ATRN: variants seen among roughly 807,000 people sequenced by gnomAD.
ATRN encodes the protein attractin.
Under a neutral mutation model 178.7 loss-of-function variants are expected in ATRN, and 54 were observed. The observed-to-expected ratio is 0.30, with a 90% CI of 0.24 to 0.38. The LOEUF (loss-of-function observed/expected upper bound fraction) is 0.38, where lower values mean the gene tolerates loss of function less well. Ranked by LOEUF, ATRN falls within the 10% of genes least tolerant of loss-of-function variation. The pLI, the probability that ATRN is intolerant of heterozygous loss-of-function variation, is 1.00. For missense variants in ATRN, 1,443 were observed against 1,815.1 expected, an observed-to-expected ratio of 0.79 and a Z score of 3.73; for synonymous variants, 636 against 663.0, an observed-to-expected ratio of 0.96 and a Z score of 0.63.
chr20:3,545,613 A>C lies in ATRN; in HGVS notation c.609-149A>C, dbSNP rs192466796. The C allele has an allele frequency of 1.5e-3, 1,319 of 862,000 alleles. 14 individuals carry two copies. The African/African-American group carries it at 0.02, about 13-fold the overall frequency. The allele number at this position is 862,000 out of a possible 1,614,324, so 53.4% of individuals were successfully genotyped here. A position where few individuals can be genotyped will look rare whatever the true frequency, so the allele number is the denominator to read the frequency against. ...CTCAAGGATCCAGAACTGATAGGGT[A>C]GCACTGTGTGTTTATCACAGGAATT... On this transcript the variant is annotated intron_variant, in intron 3 of 28. Coordinates refer to ENST00000262919, the MANE Select transcript of ATRN (RefSeq NM_139321.3).
chr20:3,630,916 C>CTTTTTTTTTTTTTTTTTTT (rs368394749), intron 25 of ATRN, among the ~76,000 whole-genome samples: 1 of 43,458 alleles, frequency 2.3e-5, no homozygotes. Context: ...ATTTATTTAG[C>CTTTTTTTTTTTTTTTTTTT]TTTTTTTTTT....
At chr20:3,566,541 G>C (rs2086038525) in intron 11 of ATRN, among the ~76,000 whole-genome samples, 1 of 152,134 alleles carries the variant, frequency 6.6e-6, no homozygotes, top group African/African-American at 2.4e-5. Flanking sequence ...CATCATGTTA[G>C]AATTCCTTTG....
intron 1 of ATRN, among the ~76,000 whole-genome samples, chr20:3,500,500 G>C (rs1045418609): frequency 7.9e-5 from 12 of 151,544 alleles, no homozygotes; most frequent in Admixed American, 2.6e-4. Flanking sequence ...GGAATACTAT[G>C]CAGCCATAAA....
At chr20:3,519,657 T>C (rs1050608313) in intron 1 of ATRN, among the ~76,000 whole-genome samples, 4 of 152,070 alleles carry the variant, frequency 2.6e-5, no homozygotes, top group Non-Finnish European at 4.4e-5. Flanking sequence ...TGATGATGGG[T>C]GCACTAAAAT....
intron 18 of ATRN, among the ~76,000 whole-genome samples, chr20:3,588,517 T>C (rs2086390049): frequency 6.6e-6 from 1 of 152,228 alleles, no homozygotes; most frequent in Admixed American, 6.5e-5. Flanking sequence ...ATTCCTGGGA[T>C]AAAGCCCATT....
chr20:3,519,112 A>T (rs950783395), intron 1 of ATRN, among the ~76,000 whole-genome samples: 1 of 151,982 alleles, frequency 6.6e-6, no homozygotes, highest in Non-Finnish European at 1.5e-5. Flanking sequence ...GGCAAGGACC[A>T]TGAAGCTGCA....
intron 3 of ATRN, among the ~76,000 whole-genome samples, chr20:3,544,443 T>C (rs6115941): frequency 0.048 from 7,246 of 152,214 alleles, 525 homozygotes; most frequent in African/African-American, 0.16. Flanking sequence ...CATGAGGTTG[T>C]GTGTCTGGGA....
intron 1 of ATRN, among the ~76,000 whole-genome samples, chr20:3,485,811 G>A (rs947552418): frequency 5.3e-5 from 8 of 151,330 alleles, no homozygotes; most frequent in Admixed American, 1.3e-4. Context: ...TAGTAGAGAC[G>A]GGGTTTCACC....
chr20:3,520,656 A>C (rs1354594011), intron 1 of ATRN, among the ~76,000 whole-genome samples: 5 of 152,028 alleles, frequency 3.3e-5, no homozygotes, highest in Non-Finnish European at 7.4e-5. Flanking sequence ...CACCATGCCC[A>C]GATAATTTTT....
rs564080061 is a variant in ATRN, at chr20:3,548,748, G to A, written c.944-422G>A. 2.0e-5 allele frequency among the ~76,000 whole-genome samples: 3 copies of A among 152,302 alleles called. No individual in the cohort carries two copies. The East Asian group carries it at 5.8e-4, about 29-fold the overall frequency. ...CAGGATGTGTGTAGGTTATATGCAA[G>A]TGTTACATCACTAGTTTATATTAGG... On this transcript the variant is annotated intron_variant, in intron 5 of 28. Transcript: ENST00000262919.
In ATRN at chr20:3,646,715, C is replaced by A. The variant is rs563450810; in HGVS notation, c.4166-8C>A. 9.4e-6 allele frequency: 15 copies of A among 1,594,260 alleles called. No homozygotes were observed. The highest frequency in any genetic ancestry group is 1.3e-5 in the Non-Finnish European group (15 of 1,169,588). On this transcript the variant is annotated splice_polypyrimidine_tract_variant and splice_region_variant and intron_variant, in intron 28 of 28. Transcript: ENST00000262919. Reference sequence around the variant, plus strand: ...CCCAGCATATGTTCTCTCTGTGGTTCTCCCAAGGTCTTGCTGTGGCCAGCG... The same window carrying A: ...CCCAGCATATGTTCTCTCTGTGGTTATCCCAAGGTCTTGCTGTGGCCAGCG...
intron 25 of ATRN, among the ~76,000 whole-genome samples, chr20:3,629,899 A>G (rs1200933141): frequency 6.6e-6 from 1 of 152,148 alleles, no homozygotes; most frequent in Non-Finnish European, 1.5e-5. Context: ...GCACGTGGAT[A>G]TATTCACTAT....
At chr20:3,573,103 T>A (rs464831) in intron 12 of ATRN, 152 bp downstream of exon 12, 555,917 of 728,300 alleles carry the variant, frequency 0.76, 215,153 homozygotes, top group East Asian at 0.99. Flanking sequence ...GGATATTTGA[T>A]AATTGGTTTG....
intron 24 of ATRN, among the ~76,000 whole-genome samples, chr20:3,610,851 C>A (rs1024226978): frequency 6.8e-6 from 1 of 146,074 alleles, no homozygotes; most frequent in Non-Finnish European, 1.5e-5. Flanking sequence ...CCGCCTTGGT[C>A]TCCCAAAGTG....
chr20:3,550,102 C>T (rs934830479), intron 6 of ATRN, among the ~76,000 whole-genome samples: 19 of 152,170 alleles, frequency 1.2e-4, no homozygotes, highest in Non-Finnish European at 2.4e-4. Flanking sequence ...CTGAGGCTGG[C>T]GGATCACTTG....
intron 24 of ATRN, chr20:3,615,695 A>G (rs551470194): frequency 3.8e-5 from 16 of 419,960 alleles, no homozygotes; most frequent in African/African-American, 3.0e-4. Context: ...AGCTGGGACT[A>G]CAGGAACACT....
intron 1 of ATRN, among the ~76,000 whole-genome samples, chr20:3,491,287 A>G (rs1392746803): frequency 6.6e-6 from 1 of 151,944 alleles, no homozygotes; most frequent in Admixed American, 6.6e-5. Flanking sequence ...CTCACTTCCA[A>G]TTTTCTCATT....
At chr20:3,491,025 C>T in intron 1 of ATRN, 1 of 1,296,986 alleles carries the variant, frequency 7.7e-7, no homozygotes, top group South Asian at 1.2e-5. Flanking sequence ...GCCGCAGCCT[C>T]TCTTAAAAAT....
intron 4 of ATRN, among the ~76,000 whole-genome samples, chr20:3,546,414 C>CGGA: frequency 8.7e-6 from 1 of 114,822 alleles, no homozygotes; most frequent in African/African-American, 3.3e-5. Context: ...TTTTTTGAGA[C>CGGA]GGAGTCTCAC....
Sources: allele counts gnomAD v4.1 joint callset (sites outside exome capture counted in the v4.1 genomes callset), GRCh38; gene constraint gnomAD v4.1.1; transcripts MANE v1.5; gene names NCBI Gene and HGNC (gene_info 2026-07-23, HGNC 2026-07-21).